MYO9A: variants seen among roughly 807,000 people sequenced by gnomAD.
MYO9A encodes myosin IXA, also known as unconventional myosin-IXa.
In MYO9A, 103 loss-of-function variants were observed where a neutral mutation model predicts 293.3. The ratio of observed to expected loss-of-function variants is 0.35; its 90% CI spans 0.30 to 0.41. The LOEUF is 0.41. MYO9A is among the 10% of genes least tolerant of loss of function. The pLI is 1.00. For synonymous variants in MYO9A, 1,001 were observed against 1,035.7 expected (o/e 0.97, Z 0.64); for missense variants, 2,685 against 3,033.0 (o/e 0.89, Z 2.69).
chr15:72,100,643 C>T (rs1233306619), intron 1 of MYO9A, among the ~76,000 whole-genome samples: 5 of 151,848 alleles, frequency 3.3e-5, no homozygotes, highest in African/African-American at 1.2e-4. Flanking sequence ...GCACCTCTGC[C>T]CCGCCACGAC....
At chr15:72,070,128 C>CAA (rs936332297) in intron 1 of MYO9A, among the ~76,000 whole-genome samples, 3,063 of 48,940 alleles carry the variant, frequency 0.063, 103 homozygotes, top group East Asian at 0.26. Flanking sequence ...GACTATGTCT[C>CAA]AAAAAAAAAA....
intron 9 of MYO9A, among the ~76,000 whole-genome samples, chr15:71,995,352 C>A (rs139850054): frequency 1.6e-4 from 25 of 152,128 alleles, no homozygotes; most frequent in Non-Finnish European, 3.5e-4. Context: ...TAGTTGTCTT[C>A]GGCTTGTCAC....
At chr15:72,090,301 A>C (rs898964165) in intron 1 of MYO9A, among the ~76,000 whole-genome samples, 3 of 152,196 alleles carry the variant, frequency 2.0e-5, no homozygotes, top group Non-Finnish European at 2.9e-5. Context: ...TTTTTAAACA[A>C]AGTATATTAA....
intron 4 of MYO9A, among the ~76,000 whole-genome samples, chr15:72,026,293 AAAAG>A (rs1469982578): frequency 0.012 from 1,534 of 123,930 alleles, 19 homozygotes; most frequent in Middle Eastern, 0.052. Flanking sequence ...AAAAAAAAAA[AAAAG>A]AAAGAAAAGA....
At chr15:71,842,915 A>AGGTGTG (rs142023177) in intron 39 of MYO9A, among the ~76,000 whole-genome samples, 85 of 149,024 alleles carry the variant, frequency 5.7e-4, no homozygotes, top group African/African-American at 2.0e-3. Context: ...TTGTGTATGC[A>AGGTGTG]TGTGTGTGTG....
intron 32 of MYO9A, among the ~76,000 whole-genome samples, chr15:71,864,363 C>A (rs1374713734): frequency 1.3e-5 from 2 of 152,124 alleles, no homozygotes; most frequent in South Asian, 2.1e-4. Flanking sequence ...TAGACTAGAA[C>A]CCTCAGGTAC....
chr15:72,074,736 A>T (rs1263417795), intron 1 of MYO9A, among the ~76,000 whole-genome samples: 1 of 152,172 alleles, frequency 6.6e-6, no homozygotes, highest in East Asian at 1.9e-4. Context: ...AGATCCCCGG[A>T]ACTTAGCTAA....
At chr15:71,863,993 A>C (rs1424964601) in intron 32 of MYO9A, among the ~76,000 whole-genome samples, 5 of 152,256 alleles carry the variant, frequency 3.3e-5, no homozygotes. Context: ...TTAAAACTTA[A>C]AACTTTAACC....
rs1227926076 is a variant in MYO9A, at chr15:72,046,107, T to A, written c.457A>T (p.Ser153Cys). ...PQQKDFDDLC[S>C]LPDLNEKTLL... ...GTTTTCTCATTCAAATCAGGTAAAC[T>A]ACATAAATCATCAAAGTCTTTCTGT... The change falls in exon 2 of 42, where the codon AGT (serine) becomes TGT (cysteine). Residue 153 changes from serine to cysteine, a missense_variant. By Grantham distance (112) the Ser-to-Cys change is moderately radical. Transcript: ENST00000356056. The A allele has an allele frequency of 6.2e-7, 1 of 1,614,050 alleles. No homozygotes were observed. The highest frequency in any genetic ancestry group is 8.5e-7 in the Non-Finnish European group (1 of 1,180,040).
intron 1 of MYO9A, among the ~76,000 whole-genome samples, chr15:72,053,574 C>T (rs1240926267): frequency 1.3e-5 from 2 of 152,106 alleles, no homozygotes; most frequent in Non-Finnish European, 2.9e-5. Context: ...AAACCAAACA[C>T]CACACTTATA....
chr15:71,900,949 C>G (rs1283453001), intron 23 of MYO9A, among the ~76,000 whole-genome samples: 1 of 152,162 alleles, frequency 6.6e-6, no homozygotes, highest in Non-Finnish European at 1.5e-5. Context: ...ACAGATCTCA[C>G]AAGACATTAT....
chr15:72,089,877 C>A (rs1285895896), intron 1 of MYO9A, among the ~76,000 whole-genome samples: 3 of 152,146 alleles, frequency 2.0e-5, no homozygotes, highest in Non-Finnish European at 2.9e-5. Flanking sequence ...GGTTTTGGTC[C>A]TTTTTAAGAG....
chr15:72,082,804 T>C lies in MYO9A; in HGVS notation c.-72+34876A>G, dbSNP rs1410886830. 2.6e-5 allele frequency among the ~76,000 whole-genome samples: 4 copies of C among 151,430 alleles called. No homozygotes were observed. In the East Asian group the frequency reaches 7.7e-4, roughly 29 times the overall value. On this transcript the variant is annotated intron_variant, in intron 1 of 41. Coordinates refer to ENST00000356056, the MANE Select transcript of MYO9A (RefSeq NM_006901.4). Reference sequence around the variant, plus strand: ...GATATAATCATGTGGTTTTTTTAGTTGTTTATGTGACGAATCACATTTACT... The same window carrying C: ...GATATAATCATGTGGTTTTTTTAGTCGTTTATGTGACGAATCACATTTACT...
At chr15:72,006,371 G>A (rs960732159) in intron 8 of MYO9A, among the ~76,000 whole-genome samples, 15 of 152,286 alleles carry the variant, frequency 9.8e-5, no homozygotes, top group African/African-American at 3.6e-4. Context: ...AATGTGCTGG[G>A]ATTGCAGGCA....
At chr15:72,051,562 T>C (rs1268296858) in intron 1 of MYO9A, among the ~76,000 whole-genome samples, 1 of 152,118 alleles carries the variant, frequency 6.6e-6, no homozygotes, top group African/African-American at 2.4e-5. Context: ...GCCCAGTCCC[T>C]GCAGGCTCAG....
intron 1 of MYO9A, among the ~76,000 whole-genome samples, chr15:72,071,216 C>T (rs556354161): frequency 1.7e-3 from 264 of 152,164 alleles, no homozygotes; most frequent in African/African-American, 6.0e-3. Flanking sequence ...AACAAACCAT[C>T]TCATTAAAAG....
intron 2 of MYO9A, among the ~76,000 whole-genome samples, chr15:72,039,613 C>A (rs529188937): frequency 1.3e-5 from 2 of 152,122 alleles, no homozygotes; most frequent in Admixed American, 1.3e-4. Flanking sequence ...GGTGGATCAT[C>A]TGAGGTCAAG....
intron 10 of MYO9A, among the ~76,000 whole-genome samples, chr15:71,992,696 T>C: frequency 6.6e-6 from 1 of 152,104 alleles, no homozygotes; most frequent in East Asian, 1.9e-4. Flanking sequence ...CAAGGTGGAC[T>C]AGTCCATGAA....
chr15:72,020,490 C>A (rs544716768), intron 5 of MYO9A, among the ~76,000 whole-genome samples: 1 of 152,246 alleles, frequency 6.6e-6, no homozygotes, highest in Non-Finnish European at 1.5e-5. Context: ...GTCATAGTAT[C>A]ATGCAAAGAC....
Sources: allele counts gnomAD v4.1 joint callset (sites outside exome capture counted in the v4.1 genomes callset), GRCh38; gene constraint gnomAD v4.1.1; transcripts MANE v1.5; gene names NCBI Gene and HGNC (gene_info 2026-07-23, HGNC 2026-07-21).